The following PCDHGB6 variants were observed in gnomAD, a reference collection of about 807,000 sequenced individuals.
PCDHGB6 encodes protocadherin gamma-B6.
Under a neutral mutation model 59.1 loss-of-function variants are expected in PCDHGB6, and 51 were observed. That is an observed-to-expected ratio of 0.86 (90% confidence interval 0.69 to 1.09). The LOEUF (loss-of-function observed/expected upper bound fraction) is 1.09, where lower values mean the gene tolerates loss of function less well. PCDHGB6 is among the 50% of genes least tolerant of loss of function. PCDHGB6 has a pLI of 0.00. For synonymous variants in PCDHGB6, 466 were observed against 495.1 expected, an observed-to-expected ratio of 0.94 and a Z score of 0.78; for missense variants, 1,148 against 1,205.1, an observed-to-expected ratio of 0.95 and a Z score of 0.70.
At chr5:141,466,654 C>A (rs985749176) in intron 1 of PCDHGB6, among the ~76,000 whole-genome samples, 12 of 152,178 alleles carry the variant, frequency 7.9e-5, no homozygotes, top group African/African-American at 2.9e-4. Flanking sequence ...TTTCACAAAA[C>A]ATCAGTGATT....
chr5:141,451,256 A>T (rs376288655), intron 1 of PCDHGB6, among the ~76,000 whole-genome samples: 1 of 152,212 alleles, frequency 6.6e-6, no homozygotes, highest in African/African-American at 2.4e-5. Context: ...GTGGATCAGG[A>T]CTGGGTATAG....
intron 2 of PCDHGB6, 114 bp from the exon 3 acceptor site, chr5:141,505,279 C>A (rs780513022): frequency 1.3e-6 from 2 of 1,541,274 alleles, no homozygotes; most frequent in Non-Finnish European, 1.7e-6. Flanking sequence ...AGAAACAGGT[C>A]TTGGGCATGG....
intron 1 of PCDHGB6, chr5:141,430,634 C>A: frequency 1.1e-6 from 1 of 882,730 alleles, no homozygotes; most frequent in Non-Finnish European, 1.7e-6. Flanking sequence ...TGAACCATCC[C>A]TGGGAGTATG....
At chr5:141,463,296 C>T (rs1194250577) in intron 1 of PCDHGB6, among the ~76,000 whole-genome samples, 1 of 151,986 alleles carries the variant, frequency 6.6e-6, no homozygotes, top group African/African-American at 2.4e-5. Flanking sequence ...CTCCTAATCT[C>T]CCCAAACTCT....
chr5:141,457,498 G>A (rs193168963), intron 1 of PCDHGB6, among the ~76,000 whole-genome samples: 23 of 152,246 alleles, frequency 1.5e-4, no homozygotes, highest in African/African-American at 4.3e-4. Flanking sequence ...TAAAATGTAG[G>A]CAAAAAGCTT....
rs186490614 is a variant in PCDHGB6 at position 141,415,986 on chromosome 5, T to A, written c.2418+5366T>A. 2.6e-4 allele frequency: 85 copies of A among 328,664 alleles called. 1 individual carries two copies. The highest frequency in any genetic ancestry group is 1.7e-3 in the African/African-American group (80 of 46,398). 20.4% of individuals were successfully genotyped at this position (328,664 alleles called of 1,614,324 possible). On this transcript the variant is annotated intron_variant, in intron 1 of 3. Transcript: ENST00000520790. ...CCAGCCCCTTAAGCAACCCTCTTGT[T>A]CTGAAGGCAGGTCTGGTAAGAATAG...
intron 1 of PCDHGB6, among the ~76,000 whole-genome samples, chr5:141,471,869 G>A (rs1234106506): frequency 6.6e-6 from 1 of 152,172 alleles, no homozygotes; most frequent in Non-Finnish European, 1.5e-5. Flanking sequence ...AACTGTGGTT[G>A]CCTGAGGCTG....
chr5:141,417,566 C>G, intron 1 of PCDHGB6: 1 of 362,746 alleles, frequency 2.8e-6, no homozygotes. Context: ...AGAGAAAAGT[C>G]AAGTTGCAGT....
chr5:141,475,921 A>T, intron 1 of PCDHGB6: 1 of 604,938 alleles, frequency 1.7e-6, no homozygotes, highest in Non-Finnish European at 2.8e-6. Flanking sequence ...AAGACGCTGG[A>T]GATCGGGCCC....
chr5:141,507,487 G>A (rs889348168), intron 3 of PCDHGB6, among the ~76,000 whole-genome samples: 1 of 152,204 alleles, frequency 6.6e-6, no homozygotes, highest in African/African-American at 2.4e-5. Context: ...GCCTCCTGAG[G>A]CAGAGCTGTC....
intron 1 of PCDHGB6, among the ~76,000 whole-genome samples, chr5:141,446,247 A>T (rs969960822): frequency 6.6e-6 from 1 of 152,160 alleles, no homozygotes; most frequent in African/African-American, 2.4e-5. Context: ...GTAGATCTTC[A>T]GTGAAATATT....
intron 2 of PCDHGB6, among the ~76,000 whole-genome samples, chr5:141,504,008 C>G (rs2099835164): frequency 6.6e-6 from 1 of 152,208 alleles, no homozygotes; most frequent in South Asian, 2.1e-4. Flanking sequence ...ACTTAACTGT[C>G]TCTGCTGGTC....
At position 141,422,630 on chromosome 5, in the gene PCDHGB6, G is replaced by A. The variant is rs1193466428; in HGVS notation, c.2418+12010G>A. 5 of 1,613,176 alleles carry A rather than the reference G, an allele frequency of 3.1e-6. No homozygotes were observed. The Admixed American group carries it at 8.3e-5, about 27-fold the overall frequency. On this transcript the variant is annotated intron_variant, in intron 1 of 3. Coordinates refer to ENST00000520790, the MANE Select transcript of PCDHGB6 (RefSeq NM_018926.3). ...GCCTACATTCCCGAAAACAACCCCA[G>A]GGGTGCCTCCATCTTCTCAGTGACC...
chr5:141,427,611 G>A (rs747386422), intron 1 of PCDHGB6: 22 of 691,570 alleles, frequency 3.2e-5, no homozygotes, highest in Non-Finnish European at 5.5e-5. Context: ...CATTGGTGAA[G>A]TCAACGACAA....
At chr5:141,469,424 AC>A (rs1173507321) in intron 1 of PCDHGB6, among the ~76,000 whole-genome samples, 1 of 151,864 alleles carries the variant, frequency 6.6e-6, no homozygotes, top group East Asian at 1.9e-4. Context: ...AAAATATAAA[AC>A]TTAGCTGGGC....
At chr5:141,411,319 C>T (rs532552346) in intron 1 of PCDHGB6, 1 of 152,262 alleles carries the variant, frequency 6.6e-6, no homozygotes, top group South Asian at 2.1e-4. Flanking sequence ...CCTATAATCA[C>T]AGCACTTTGA....
chr5:141,427,265 C>G (rs767369457), intron 1 of PCDHGB6: 1 of 456,688 alleles, frequency 2.2e-6, no homozygotes, highest in Non-Finnish European at 4.4e-6. Context: ...GCATGACCAG[C>G]GAATGTAAAA....
rs1053018756 is a variant in PCDHGB6, at chr5:141,497,630, G to T, written c.2477+2765G>T. ...TCTTGGCTCACTGCAACCTCTGCCT[G>T]CCAGGTTCAAGCGATTCTCCTGCCT... is the stretch of plus-strand genomic sequence containing the variant. On this transcript the variant is annotated intron_variant, in intron 2 of 3. Coordinates refer to ENST00000520790, the MANE Select transcript of PCDHGB6 (RefSeq NM_018926.3). 3.3e-5 allele frequency among the ~76,000 whole-genome samples: 5 copies of T among 150,256 alleles called. No homozygotes were observed. The Admixed American group carries it at 3.3e-4, about 10-fold the overall frequency.
chr5:141,506,372 C>A (rs1243713695), intron 3 of PCDHGB6, among the ~76,000 whole-genome samples: 1 of 151,402 alleles, frequency 6.6e-6, no homozygotes, highest in Non-Finnish European at 1.5e-5. Context: ...TCGCTTGAAC[C>A]TGGGAGGTGG....
Sources: allele counts gnomAD v4.1 joint callset (sites outside exome capture counted in the v4.1 genomes callset), GRCh38; gene constraint gnomAD v4.1.1; transcripts MANE v1.5; gene names NCBI Gene and HGNC (gene_info 2026-07-23, HGNC 2026-07-21).